Variants in ZBTB24 observed in about 807,000 individuals in gnomAD.
ZBTB24 encodes zinc finger and BTB domain containing 24.
A neutral mutation model predicts 53.8 loss-of-function variants in ZBTB24; 32 were observed. That is an observed-to-expected ratio of 0.60 (90% CI 0.45 to 0.80). The LOEUF (loss-of-function observed/expected upper bound fraction) is 0.80, where lower values mean the gene tolerates loss of function less well. Ranked by LOEUF, ZBTB24 falls within the 30% of genes least tolerant of loss-of-function variation. The probability of loss-of-function intolerance (pLI) is 0.00; values close to 1 mark genes in which losing one functional copy is unlikely to be tolerated. For missense variants in ZBTB24, 722 were observed against 837.1 expected (o/e 0.86, Z 1.70); for synonymous variants, 297 against 306.7 (o/e 0.97, Z 0.33).
intron 6 of ZBTB24, 145 bp downstream of exon 6, chr6:109,467,508 C>T: frequency 6.5e-7 from 1 of 1,535,362 alleles, no homozygotes; most frequent in Non-Finnish European, 8.7e-7. Context: ...AACAAACAAA[C>T]AAAACAAAGC....
intron 4 of ZBTB24, 58 bp downstream of exon 4, chr6:109,476,117 A>G: frequency 6.3e-7 from 1 of 1,585,634 alleles, no homozygotes; most frequent in Non-Finnish European, 8.7e-7. Context: ...AATGTTTCAG[A>G]AACAATTCTT....
intron 2 of ZBTB24, among the ~76,000 whole-genome samples, chr6:109,478,436 T>C (rs528817032): frequency 6.6e-6 from 1 of 152,306 alleles, no homozygotes; most frequent in Non-Finnish European, 1.5e-5. Flanking sequence ...ATAAAAACTC[T>C]CTTCCTCTCC....
At chr6:109,476,346 A>T in intron 3 of ZBTB24, 88 bp from the exon 4 acceptor site, 1 of 1,346,330 alleles carries the variant, frequency 7.4e-7, no homozygotes, top group Non-Finnish European at 1.1e-6. Context: ...CAGTGGGTCC[A>T]GGTCCCCATT....
In ZBTB24 at chr6:109,481,679, T is replaced by G. The variant is rs1441416953; in HGVS notation, c.348A>C (p.Leu116Phe). Residue 116 changes from leucine to phenylalanine, a missense_variant, in exon 2 of 7, where the codon TTA becomes TTC. Leu to Phe is a conservative substitution (Grantham distance 22). Transcript: ENST00000230122. ...AAGCCTTTACCAGGTCATAGACTTT[T>G]AAGAACTGAGCAGTAGCCAGGATTT... ...TEQILATAQF[L>F]KVYDLVKAYT... is the part of the protein sequence containing the mutation. The G allele has an allele frequency of 6.2e-7, 1 of 1,614,224 alleles. No individual in the cohort carries two copies. The highest frequency in any genetic ancestry group is 2.2e-5 in the East Asian group (1 of 44,894).
rs2115361515 is a variant in ZBTB24, at chr6:109,476,193, G to A, written c.1186C>T (p.His396Tyr). Residue 396 changes from histidine (H) to tyrosine (Y), a missense_variant, in exon 4 of 7, where the codon CAT (histidine) becomes TAT (tyrosine). Physicochemically the swap from His to Tyr is moderately conservative, Grantham distance 83. Transcript: ENST00000230122. The stretch of plus-strand genomic sequence containing the variant: ...ATCGTACCTGTATGAACTCGGTAAT[G>A]GCTCTTTAGCTGTCTGTTCTGGCTG... ...YFSQNRQLKS[H>Y]YRVHTGHSLP... 1 of 1,614,090 alleles carries A rather than the reference G, an allele frequency of 6.2e-7. No homozygotes were observed. Among genetic ancestry groups the A allele is most frequent in the Non-Finnish European group, 8.5e-7 (1 of 1,180,020 alleles).
In ZBTB24 at chr6:109,465,913, C is replaced by T; in HGVS notation, c.2032G>A (p.Gly678Ser). The change falls in exon 7 of 7, where the codon GGT (glycine) becomes AGT (serine). Residue 678 changes from glycine (G) to serine (S), a missense_variant. Transcript: ENST00000230122. ...ACGTGGTGAGTGGGTGGTGGCGGAC[C>T]AGGCTCCTGTGTCAGCTGCAGGTGC... ...AQHLQLTQEP[G>S]PPPPTHHVPQ... is the part of the protein sequence containing the mutation. 1 of 1,614,144 alleles carries T rather than the reference C, an allele frequency of 6.2e-7. No homozygotes were observed. The highest frequency in any genetic ancestry group is 8.5e-7 in the Non-Finnish European group (1 of 1,180,040).
At position 109,466,057 on chromosome 6, in the gene ZBTB24, A is replaced by G; in HGVS notation, c.1888T>C (p.Ser630Pro). ...LNMIESQMGP[S>P]QTEPVHVITL... The stretch of plus-strand genomic sequence containing the variant: ...ATCACGTGCACTGGCTCTGTTTGTG[A>G]GGGCCCCATCTGGCTTTCAATCATA... The change falls in exon 7 of 7, where the codon TCA becomes CCA. Residue 630 changes from serine (S) to proline (P), a missense_variant. By Grantham distance (74) the Ser-to-Pro change is moderately conservative. Coordinates refer to ENST00000230122, the MANE Select transcript of ZBTB24 (RefSeq NM_014797.3). 6.2e-7 allele frequency: 1 copy of G among 1,614,162 alleles called. No homozygotes were observed. Among genetic ancestry groups the G allele is most frequent in the Non-Finnish European group, 8.5e-7 (1 of 1,180,030 alleles).
At chr6:109,475,318 G>T in intron 5 of ZBTB24, 81 bp downstream of exon 5, 1 of 1,503,116 alleles carries the variant, frequency 6.7e-7, no homozygotes, top group Non-Finnish European at 9.3e-7. Context: ...CACAGGCTTA[G>T]CAGGGCACTC....
In ZBTB24 at chr6:109,465,412, C is replaced by A. The variant is rs1253189756; in HGVS notation, c.*439G>T. ...TTGTCTTGTGGTAACAACTGTGTTG[C>A]CTAAGAAAAATAAGAAAATAGAACA... On this transcript the variant is annotated 3_prime_UTR_variant, in exon 7 of 7. Transcript: ENST00000230122. The A allele has an allele frequency of 3.8e-6, 2 of 531,346 alleles. No homozygotes were observed. Among genetic ancestry groups the A allele is most frequent in the Non-Finnish European group, 6.7e-6 (2 of 300,420 alleles). 32.9% of individuals were successfully genotyped at this position (531,346 alleles called of 1,614,324 possible). A position where few individuals can be genotyped will look rare whatever the true frequency, so the allele number is the denominator to read the frequency against.
intron 2 of ZBTB24, among the ~76,000 whole-genome samples, chr6:109,478,273 G>A (rs897932047): frequency 2.0e-5 from 3 of 152,192 alleles, no homozygotes; most frequent in Non-Finnish European, 2.9e-5. Flanking sequence ...CTTGGATATA[G>A]ATTAAAAGAA....
chr6:109,481,029 T>C (rs1776395145), intron 2 of ZBTB24, 46 bp downstream of exon 2: 1 of 1,606,256 alleles, frequency 6.2e-7, no homozygotes, highest in Non-Finnish European at 8.5e-7. Flanking sequence ...TCATCACTAC[T>C]CCCAATTCTG....
intron 1 of ZBTB24, among the ~76,000 whole-genome samples, chr6:109,482,498 GTT>G (rs773867934): frequency 6.9e-6 from 1 of 144,180 alleles, no homozygotes; most frequent in Non-Finnish European, 1.5e-5. Context: ...TTAGCTCGCG[GTT>G]TTTTTTTTTT....
chr6:109,476,300 A>G, intron 3 of ZBTB24, 42 bp from the exon 4 acceptor site: 5 of 1,605,306 alleles, frequency 3.1e-6, no homozygotes, highest in Non-Finnish European at 4.3e-6. Context: ...AAAAAATTAT[A>G]AAGAACTGGA....
At position 109,463,289 on chromosome 6, in the gene ZBTB24, T is replaced by C. The variant is rs1361198592; in HGVS notation, c.*2562A>G. On this transcript the variant is annotated 3_prime_UTR_variant, in exon 7 of 7. Transcript: ENST00000230122. ...CATGAGCCTCCACGCCCGGCGTCAT[T>C]GAACTTTTTTATTCAAAGGGGTAGA... The C allele has an allele frequency of 1.3e-5, 2 of 152,170 alleles. No homozygotes were observed. The highest frequency in any genetic ancestry group is 2.9e-5 in the Non-Finnish European group (2 of 68,040). 9.4% of individuals were successfully genotyped at this position (152,170 alleles called of 1,614,324 possible).
rs764589540 is a variant in ZBTB24 at position 109,466,359 on chromosome 6, TTAC to T, written c.1583_1585del (p.Ser528del). ...AAGAATATTCCTGACCTCTTCTGTA[TTAC>T]TACTGCCAGAAATGCTGCTGGCATC... On this transcript the variant is annotated inframe_deletion, in exon 7 of 7. Transcript: ENST00000230122. 4.3e-6 allele frequency: 7 copies of T among 1,614,208 alleles called. No homozygotes were observed. In the South Asian group the frequency reaches 4.4e-5, roughly 10 times the overall value.
Position 109,465,695 on chromosome 6 carries a change from T to A in ZBTB24, c.*156A>T, listed in dbSNP as rs1776017282. 1.9e-6 allele frequency: 3 copies of A among 1,602,036 alleles called. No individual in the cohort carries two copies. Among genetic ancestry groups the A allele is most frequent in the Non-Finnish European group, 2.5e-6 (3 of 1,178,550 alleles). The stretch of plus-strand genomic sequence containing the variant: ...CAAGACATACACACATCTTGCTACC[T>A]GGATGGAGGGCATTATAAACATCAG... On this transcript the variant is annotated 3_prime_UTR_variant, in exon 7 of 7. Transcript: ENST00000230122.
At position 109,474,473 on chromosome 6, in the gene ZBTB24, C is replaced by A. The variant is rs562913497; in HGVS notation, c.1288+926G>T. The stretch of plus-strand genomic sequence containing the variant: ...TTGGGCCAGGCACAGTGGCTCACGC[C>A]TGTAATCCCAGCACTTTGGGAGGCC... On this transcript the variant is annotated intron_variant, in intron 5 of 6. Transcript: ENST00000230122. 1.1e-3 allele frequency among the ~76,000 whole-genome samples: 173 copies of A among 152,304 alleles called. 2 individuals are homozygous for A. Among genetic ancestry groups the A allele is most frequent in the Middle Eastern group, 3.4e-3 (1 of 294 alleles).
chr6:109,468,327 G>T (rs147994667), intron 5 of ZBTB24, among the ~76,000 whole-genome samples: 1 of 151,806 alleles, frequency 6.6e-6, no homozygotes, highest in African/African-American at 2.4e-5. Context: ...GTCATTTTAT[G>T]CTTGGGCTGC....
intron 6 of ZBTB24, 66 bp downstream of exon 6, chr6:109,467,587 G>A: frequency 1.9e-6 from 3 of 1,612,510 alleles, no homozygotes; most frequent in South Asian, 1.1e-5. Flanking sequence ...GGTAACACAT[G>A]TCACCTCACT....
Sources: allele counts gnomAD v4.1 joint callset (sites outside exome capture counted in the v4.1 genomes callset), GRCh38; gene constraint gnomAD v4.1.1; transcripts MANE v1.5; gene names NCBI Gene and HGNC (gene_info 2026-07-23, HGNC 2026-07-21).